TACC3: variants seen among roughly 807,000 people sequenced by gnomAD.
TACC3 encodes the protein transforming acidic coiled-coil containing protein 3, also known as transforming acidic coiled-coil-containing protein 3.
A neutral mutation model predicts 86.0 loss-of-function variants in TACC3; 52 were observed. The observed-to-expected ratio is 0.60, with a 90% CI of 0.48 to 0.76. TACC3 has a LOEUF of 0.76. Among genes scored for constraint, TACC3 ranks in the 30% least tolerant of loss-of-function variants. The probability of loss-of-function intolerance (pLI) is 0.00; values close to 1 mark genes in which losing one functional copy is unlikely to be tolerated. For synonymous variants in TACC3, 512 were observed against 430.0 expected (o/e 1.19, Z -2.36); for missense variants, 1,120 against 1,070.4 (o/e 1.05, Z -0.65).
Position 1,733,715 on chromosome 4 carries a change from C to T in TACC3, c.1592-1558C>T, listed in dbSNP as rs151067649. 7.0e-3 allele frequency among the ~76,000 whole-genome samples: 1,064 copies of T among 152,236 alleles called. 11 individuals carry two copies. The highest frequency in any genetic ancestry group is 0.023 in the African/African-American group (968 of 41,552). On this transcript the variant is annotated intron_variant, in intron 6 of 15. Coordinates refer to ENST00000313288, the MANE Select transcript of TACC3 (RefSeq NM_006342.3). ...CAACAAGGCTAGGTGCGGTGGCTCA[C>T]GCCCGTAATCCTAGCACTTTGGGAG...
chr4:1,730,649 C>G, intron 4 of TACC3: 1 of 657,666 alleles, frequency 1.5e-6, no homozygotes. Flanking sequence ...TTAGAGCTCC[C>G]AGCCTGCTTC....
In TACC3 at chr4:1,731,069, C is replaced by A. The variant is rs1053461135; in HGVS notation, c.1462-103C>A. On this transcript the variant is annotated intron_variant, in intron 5 of 15. Transcript: ENST00000313288. ...TTGGGTGACGGGGTGGGATGTCCCGCTCCCTCTCCCCCAAGTCTACTTCAA... is the reference window on the plus strand; with the variant it reads ...TTGGGTGACGGGGTGGGATGTCCCGATCCCTCTCCCCCAAGTCTACTTCAA... The A allele has an allele frequency of 5.6e-6, 9 of 1,594,082 alleles. No homozygotes were observed. In the African/African-American group the frequency reaches 9.4e-5, roughly 17 times the overall value.
In TACC3 at chr4:1,737,653, G is replaced by T. The variant is rs1257572411; in HGVS notation, c.1892G>T (p.Gly631Val). Residue 631 changes from glycine to valine, a missense_variant, in exon 10 of 16, where the codon GGA (glycine) becomes GTA (valine). Physicochemically the swap from Gly to Val is moderately radical, Grantham distance 109. Coordinates refer to ENST00000313288, the MANE Select transcript of TACC3 (RefSeq NM_006342.3). Reference sequence around the variant, plus strand: ...CCTGGGGGCCCACCCCTGTCCACCGGACCTATAGTGGACCTGCTCCAGTAC... The same window carrying T: ...CCTGGGGGCCCACCCCTGTCCACCGTACCTATAGTGGACCTGCTCCAGTAC... Reference protein sequence around the residue: ...PAPGGPPLSTGPIVDLLQYSQ... With the variant: ...PAPGGPPLSTVPIVDLLQYSQ... The T allele has an allele frequency of 1.3e-6, 2 of 1,548,888 alleles. No homozygotes were observed. The highest frequency in any genetic ancestry group is 1.4e-5 in the African/African-American group (1 of 73,162).
chr4:1,729,341 C>G (rs1348195213), intron 4 of TACC3, among the ~76,000 whole-genome samples: 1 of 151,980 alleles, frequency 6.6e-6, no homozygotes, highest in South Asian at 2.1e-4. Context: ...AATAAAGACA[C>G]AAGAAAAAGA....
chr4:1,743,324 G>A (rs1168233446), intron 13 of TACC3, among the ~76,000 whole-genome samples: 3 of 151,896 alleles, frequency 2.0e-5, no homozygotes, highest in African/African-American at 4.8e-5. Flanking sequence ...GGAGGCCGAG[G>A]CGGGTGGATC....
In TACC3 at chr4:1,739,792, G is replaced by C. The variant is rs373356904; in HGVS notation, c.2018+14G>C. ...CCTGGAACTGGGGTAAGGAGGCCCC[G>C]TCTCCTGTCCTCCCCGTCCCCATCC... is the stretch of plus-strand genomic sequence containing the variant. On this transcript the variant is annotated intron_variant, in intron 11 of 15. Transcript: ENST00000313288. The C allele has an allele frequency of 6.3e-7, 1 of 1,580,618 alleles. No homozygotes were observed. Among genetic ancestry groups the C allele is most frequent in the Non-Finnish European group, 8.6e-7 (1 of 1,164,284 alleles).
rs748821030 is a variant in TACC3, at chr4:1,744,684, AGCCTCTGCCCC to A, written c.2331-24_2331-14del. 1 of 1,612,178 alleles carries A rather than the reference AGCCTCTGCCCC, an allele frequency of 6.2e-7. No homozygotes were observed. The highest frequency in any genetic ancestry group is 1.3e-5 in the African/African-American group (1 of 75,066). On this transcript the variant is annotated splice_polypyrimidine_tract_variant and intron_variant, in intron 14 of 15. Transcript: ENST00000313288. The stretch of plus-strand genomic sequence containing the variant: ...AATCTGAGCACCTGGGCCCCAGCTC[AGCCTCTGCCCC>A]GCCCCTACCCCTCCAGGGCAAACGA...
chr4:1,744,778 C>T lies in TACC3; in HGVS notation c.2397C>T (p.Ser799=), dbSNP rs1482784323. 1.2e-6 allele frequency: 2 copies of T among 1,612,830 alleles called. No individual in the cohort carries two copies. Among genetic ancestry groups the T allele is most frequent in the Admixed American group, 3.3e-5 (2 of 60,026 alleles). Residue 799 remains serine (S), a synonymous_variant, in exon 15 of 16, where the codon AGC becomes AGT. Coordinates refer to ENST00000313288, the MANE Select transcript of TACC3 (RefSeq NM_006342.3). ...CGGAAGCGTTGGCCCTCCAGGCCAG[C>T]CTGAGGAAGGAGCAGATGCGCATCC... ...AQAEALALQA[S]LRKEQMRIQS...
At chr4:1,729,068 A>G (rs1291011142) in intron 4 of TACC3, among the ~76,000 whole-genome samples, 1 of 152,218 alleles carries the variant, frequency 6.6e-6, no homozygotes, top group Non-Finnish European at 1.5e-5. Context: ...AACCCTGGGC[A>G]GGACCCTGTC....
At chr4:1,742,271 G>C (rs1718632448) in intron 13 of TACC3, 1 of 152,326 alleles carries the variant, frequency 6.6e-6, no homozygotes, top group Non-Finnish European at 1.5e-5. Context: ...ACAGACGCTT[G>C]GAGAGGCAGG....
intron 3 of TACC3, among the ~76,000 whole-genome samples, chr4:1,726,355 G>A: frequency 6.6e-6 from 1 of 151,998 alleles, no homozygotes; most frequent in East Asian, 1.9e-4. Context: ...ACTGTCCCTG[G>A]CCACAGCACT....
At chr4:1,743,234 G>C (rs1234372641) in intron 13 of TACC3, among the ~76,000 whole-genome samples, 1 of 131,176 alleles carries the variant, frequency 7.6e-6, no homozygotes. Context: ...ATGGCCTGGC[G>C]ATAGAGCGAG....
At chr4:1,732,518 G>C (rs1718054805) in intron 6 of TACC3, among the ~76,000 whole-genome samples, 1 of 152,254 alleles carries the variant, frequency 6.6e-6, no homozygotes, top group Non-Finnish European at 1.5e-5. Context: ...GGAATTGATG[G>C]CTGAGTTGTT....
intron 13 of TACC3, 78 bp downstream of exon 13, chr4:1,741,064 C>T (rs1274190435): frequency 6.9e-6 from 10 of 1,440,172 alleles, no homozygotes; most frequent in East Asian, 4.7e-5. Flanking sequence ...CTACAAGCTG[C>T]TGTCTTTGCA....
At chr4:1,725,393 C>G (rs1478104635) in intron 3 of TACC3, among the ~76,000 whole-genome samples, 1 of 152,214 alleles carries the variant, frequency 6.6e-6, no homozygotes, top group African/African-American at 2.4e-5. Flanking sequence ...CTCTACCCCT[C>G]CAGCCTGAAT....
Position 1,727,865 on chromosome 4 carries a change from T to C in TACC3, c.463T>C (p.Ser155Pro), listed in dbSNP as rs772699716. 8 of 1,613,660 alleles carry C rather than the reference T, an allele frequency of 5.0e-6. No homozygotes were observed. In the South Asian group the frequency reaches 8.8e-5, roughly 18 times the overall value. ...GPGALADLDC[S>P]SSSQSPGSSE... ...AGGTGCCCTGGCTGACCTGGACTGCTCAAGCTCTTCCCAGAGCCCAGGAAG... is the reference window on the plus strand; with the variant it reads ...AGGTGCCCTGGCTGACCTGGACTGCCCAAGCTCTTCCCAGAGCCCAGGAAG... The change falls in exon 4 of 16, where the codon TCA becomes CCA. Residue 155 changes from serine (S) to proline (P), a missense_variant. Coordinates refer to ENST00000313288, the MANE Select transcript of TACC3 (RefSeq NM_006342.3).
intron 13 of TACC3, among the ~76,000 whole-genome samples, chr4:1,743,747 G>C (rs971680192): frequency 6.6e-6 from 1 of 152,182 alleles, no homozygotes; most frequent in Non-Finnish European, 1.5e-5. Context: ...CTGTGCACAC[G>C]TGAGAGCTTC....
chr4:1,737,174 T>C lies in TACC3; in HGVS notation c.1749-67T>C. ...AAAGAGCCCGGTTAGCTTGTCCACA[T>C]GGTCCTCTGTGTCCTACTCAACACT... On this transcript the variant is annotated intron_variant, in intron 8 of 15. Transcript: ENST00000313288. 2.3e-6 allele frequency: 3 copies of C among 1,314,150 alleles called. No individual in the cohort carries two copies. In the South Asian group the frequency reaches 3.6e-5, roughly 16 times the overall value. 81.4% of individuals were successfully genotyped at this position (1,314,150 alleles called of 1,614,324 possible).
chr4:1,733,935 G>A (rs1407270239), intron 6 of TACC3, among the ~76,000 whole-genome samples: 2 of 148,910 alleles, frequency 1.3e-5, no homozygotes, highest in East Asian at 4.0e-4. Context: ...CCGAGATGGC[G>A]CCACCGCACT....
Sources: allele counts gnomAD v4.1 joint callset (sites outside exome capture counted in the v4.1 genomes callset), GRCh38; gene constraint gnomAD v4.1.1; transcripts MANE v1.5; gene names NCBI Gene and HGNC (gene_info 2026-07-23, HGNC 2026-07-21).